Variants in KCNH7 observed in about 807,000 individuals in gnomAD.
The protein encoded by KCNH7 is potassium voltage-gated channel subfamily H member 7.
Under a neutral mutation model 120.8 loss-of-function variants are expected in KCNH7, and 49 were observed. The ratio of observed to expected loss-of-function variants is 0.41; its 90% CI spans 0.32 to 0.51. The LOEUF (loss-of-function observed/expected upper bound fraction) is 0.51. Ranked by LOEUF, KCNH7 falls within the 20% of genes least tolerant of loss-of-function variation. KCNH7 has a pLI of 0.38. For missense variants in KCNH7, 1,097 were observed against 1,446.6 expected (o/e 0.76, Z 3.92); for synonymous variants, 547 against 516.1 (o/e 1.06, Z -0.81).
At chr2:162,704,541 G>T (rs1686628026) in intron 2 of KCNH7, among the ~76,000 whole-genome samples, 2 of 152,114 alleles carry the variant, frequency 1.3e-5, no homozygotes, top group Admixed American at 1.3e-4. Context: ...AGAAACTTTT[G>T]TCTTTTTGAA....
chr2:162,632,345 A>G (rs1204316397), intron 2 of KCNH7, among the ~76,000 whole-genome samples: 1 of 151,946 alleles, frequency 6.6e-6, no homozygotes. Context: ...TGCAAGTTTA[A>G]CTGATTGTGT....
At chr2:162,806,445 G>T (rs1046807455) in intron 2 of KCNH7, among the ~76,000 whole-genome samples, 5 of 152,104 alleles carry the variant, frequency 3.3e-5, no homozygotes, top group Admixed American at 2.6e-4. Flanking sequence ...GCCTTTGAAT[G>T]ATAACTAACA....
rs1212568645 is a variant in KCNH7 at position 162,513,451 on chromosome 2, TTCTC to T, written c.893-781_893-778del. ...TTTCCTTCCTTCCTTCCTTCCTTCC[TTCTC>T]TCCTTCCCTCCCTCCTTCCTTCCTT... On this transcript the variant is annotated intron_variant, in intron 4 of 15. Transcript: ENST00000332142. Among the ~76,000 whole-genome samples, 17 of 117,030 alleles carry T rather than the reference TTCTC, an allele frequency of 1.5e-4. No homozygotes were observed. The East Asian group carries it at 1.5e-3, about 11-fold the overall frequency. 76.8% of individuals were successfully genotyped at this position (117,030 alleles called of 152,430 possible).
intron 9 of KCNH7, among the ~76,000 whole-genome samples, chr2:162,405,254 T>C (rs990789021): frequency 6.6e-6 from 1 of 152,030 alleles, no homozygotes; most frequent in Admixed American, 6.6e-5. Flanking sequence ...ACTTCGTGAC[T>C]TACAAATGAG....
At chr2:162,464,910 A>C (rs1689260067) in intron 6 of KCNH7, among the ~76,000 whole-genome samples, 1 of 152,080 alleles carries the variant, frequency 6.6e-6, no homozygotes, top group African/African-American at 2.4e-5. Context: ...AGTTTTGTAA[A>C]ATTAAAAAAG....
chr2:162,578,098 G>C (rs143535530), intron 2 of KCNH7, among the ~76,000 whole-genome samples: 1 of 151,912 alleles, frequency 6.6e-6, no homozygotes, highest in Non-Finnish European at 1.5e-5. Flanking sequence ...AAGCCCCTAG[G>C]CTACAATGCA....
rs754623881 is a variant in KCNH7, at chr2:162,593,637, G to GT, written c.308-56558dup. Among the ~76,000 whole-genome samples, 10 of 151,584 alleles carry GT rather than the reference G, an allele frequency of 6.6e-5. 1 individual carries two copies. Among genetic ancestry groups the GT allele is most frequent in the Admixed American group, 2.0e-4 (3 of 15,170 alleles). ...ATATGTGATAATATGTTTTATTCAT[G>GT]TTTTTTTTCCTGCTTTCAGGTCAAA... On this transcript the variant is annotated intron_variant, in intron 2 of 15. Coordinates refer to ENST00000332142, the MANE Select transcript of KCNH7 (RefSeq NM_033272.4).
At position 162,671,035 on chromosome 2, in the gene KCNH7, A is replaced by G. The variant is rs544719427; in HGVS notation, c.308-133955T>C. 2.6e-4 allele frequency among the ~76,000 whole-genome samples: 40 copies of G among 152,274 alleles called. No homozygotes were observed. In the South Asian group the frequency reaches 8.3e-3, roughly 32 times the overall value. ...AAACCACAATGAGATACCAACTTAT[A>G]CCAGTCAGAATGGTTATTATTAAAA... On this transcript the variant is annotated intron_variant, in intron 2 of 15. Transcript: ENST00000332142.
At chr2:162,698,085 GAC>G (rs1686356052) in intron 2 of KCNH7, among the ~76,000 whole-genome samples, 1 of 152,106 alleles carries the variant, frequency 6.6e-6, no homozygotes, top group Non-Finnish European at 1.5e-5. Flanking sequence ...AAATTTCATA[GAC>G]TCTAGTTCAT....
chr2:162,606,266 CAA>C (rs531868909), intron 2 of KCNH7, among the ~76,000 whole-genome samples: 132 of 151,876 alleles, frequency 8.7e-4, no homozygotes, highest in African/African-American at 3.0e-3. Context: ...CCAGGAGAAA[CAA>C]AGAGTATAAG....
At chr2:162,778,519 C>A (rs182295400) in intron 2 of KCNH7, among the ~76,000 whole-genome samples, 53 of 152,226 alleles carry the variant, frequency 3.5e-4, no homozygotes, top group Admixed American at 1.4e-3. Context: ...CTGTGAGGGG[C>A]AGAACTATGT....
chr2:162,406,550 A>T (rs1176870389), intron 9 of KCNH7, among the ~76,000 whole-genome samples: 1 of 151,956 alleles, frequency 6.6e-6, no homozygotes, highest in African/African-American at 2.4e-5. Context: ...GTCATTAAAT[A>T]TACTTAAATC....
chr2:162,641,139 C>T lies in KCNH7; in HGVS notation c.308-104059G>A, dbSNP rs142787530. Among the ~76,000 whole-genome samples, 899 of 152,200 alleles carry T rather than the reference C, an allele frequency of 5.9e-3. 8 individuals are homozygous for T. Among genetic ancestry groups the T allele is most frequent in the African/African-American group, 0.02 (821 of 41,520 alleles). On this transcript the variant is annotated intron_variant, in intron 2 of 15. Coordinates refer to ENST00000332142, the MANE Select transcript of KCNH7 (RefSeq NM_033272.4). ...TTTGACAATTTCTATAAAAACTCAA[C>T]GCAGAACTACCACATGACCTAACAA...
intron 10 of KCNH7, among the ~76,000 whole-genome samples, chr2:162,398,993 C>T (rs1442312710): frequency 6.6e-6 from 1 of 151,732 alleles, no homozygotes; most frequent in African/African-American, 2.4e-5. Flanking sequence ...TGAGTCTGTG[C>T]CATGCCATAC....
At chr2:162,538,183 C>G (rs1359638802) in intron 2 of KCNH7, 1 of 152,078 alleles carries the variant, frequency 6.6e-6, no homozygotes, top group Non-Finnish European at 1.5e-5. Context: ...TGGCCCAACA[C>G]AAATTTGTAA....
intron 2 of KCNH7, among the ~76,000 whole-genome samples, chr2:162,541,138 T>G (rs887375992): frequency 6.6e-6 from 1 of 152,086 alleles, no homozygotes; most frequent in South Asian, 2.1e-4. Flanking sequence ...AATTGTTTAT[T>G]AGATATCTAA....
At chr2:162,713,456 G>A (rs1686998598) in intron 2 of KCNH7, among the ~76,000 whole-genome samples, 3 of 152,200 alleles carry the variant, frequency 2.0e-5, no homozygotes, top group South Asian at 4.1e-4. Context: ...GATAAAAAAT[G>A]AGGCTTATGT....
At chr2:162,398,242 T>C (rs968624891) in intron 10 of KCNH7, among the ~76,000 whole-genome samples, 2 of 151,886 alleles carry the variant, frequency 1.3e-5, no homozygotes, top group African/African-American at 4.8e-5. Context: ...AGACAAGTTC[T>C]TGTACACCTC....
chr2:162,540,545 A>G (rs1487385616), intron 2 of KCNH7, among the ~76,000 whole-genome samples: 2 of 152,114 alleles, frequency 1.3e-5, no homozygotes, highest in Non-Finnish European at 2.9e-5. Context: ...GTTTTATTGT[A>G]CTGTGTGTGG....
Sources: allele counts gnomAD v4.1 joint callset (sites outside exome capture counted in the v4.1 genomes callset), GRCh38; gene constraint gnomAD v4.1.1; transcripts MANE v1.5; gene names NCBI Gene and HGNC (gene_info 2026-07-23, HGNC 2026-07-21).